MTA1: variants seen among roughly 807,000 people sequenced by gnomAD.
MTA1 encodes the protein metastasis-associated protein MTA1.
A neutral mutation model predicts 97.0 loss-of-function variants in MTA1; 15 were observed. The observed-to-expected ratio is 0.15, with a 90% CI of 0.10 to 0.24. MTA1 has a LOEUF of 0.24. MTA1 is among the 10% of genes least tolerant of loss of function. MTA1 has a pLI of 1.00. For missense variants in MTA1, 709 were observed against 1,015.1 expected (o/e 0.70, Z 4.10); for synonymous variants, 435 against 417.5 (o/e 1.04, Z -0.51).
Position 105,422,620 on chromosome 14 carries a change from A to G in MTA1, c.28+2557A>G, listed in dbSNP as rs587760609. Among the ~76,000 whole-genome samples the G allele has an allele frequency of 3.3e-5, 5 of 152,208 alleles. No homozygotes were observed. The highest frequency in any genetic ancestry group is 2.6e-4 in the Admixed American group (4 of 15,282). On this transcript the variant is annotated intron_variant, in intron 1 of 20. Transcript: ENST00000331320. This position sits in a 1 kb window ranked among gnomAD's most constrained non-coding sequence, Gnocchi z 4.3. ...TAAACAGAAATTTATTAGTGTAAGT[A>G]TGTCCCAAATATGGCATGGGACATA...
At chr14:105,441,419 G>C (rs2082509103) in intron 2 of MTA1, among the ~76,000 whole-genome samples, 1 of 152,168 alleles carries the variant, frequency 6.6e-6, no homozygotes. Flanking sequence ...CACCGGGGAG[G>C]CTCCCAGGGA....
At chr14:105,466,859 G>T in intron 18 of MTA1, 117 bp downstream of exon 18, 2 of 1,053,912 alleles carry the variant, frequency 1.9e-6, no homozygotes, top group Non-Finnish European at 1.4e-6. Context: ...CAGTCCACGT[G>T]AGCCAGGCCA....
rs1046664382 is a variant in MTA1 at position 105,424,742 on chromosome 14, C to G, written c.28+4679C>G. On this transcript the variant is annotated intron_variant, in intron 1 of 20. Coordinates refer to ENST00000331320, the MANE Select transcript of MTA1 (RefSeq NM_004689.4). The surrounding 1 kb of genome is among the most constrained non-coding windows in gnomAD (Gnocchi z 4.0). ...AACTCCTGACCTCAAGTGATCCACC[C>G]GCCTCGGCCTCCCAAAGTGCTGGGA... Among the ~76,000 whole-genome samples the G allele has an allele frequency of 6.6e-6, 1 of 152,012 alleles. No homozygotes were observed.
At position 105,466,427 on chromosome 14, in the gene MTA1, G is replaced by GGGGCCCC; in HGVS notation, c.1626_1627insGGGCCCC (p.Thr543GlyfsTer11). ...TTCTGCCTGTGTCATTCCCGGCAGA[G>GGGGCCCC]ACCCACCCCCGCCCCCCCAAGCCTG... On this transcript the variant is annotated frameshift_variant and splice_region_variant, in exon 17 of 21. Coordinates refer to ENST00000331320, the MANE Select transcript of MTA1 (RefSeq NM_004689.4). LOFTEE classifies it high-confidence loss of function. The GGGGCCCC allele has an allele frequency of 6.3e-7, 1 of 1,592,106 alleles. No individual in the cohort carries two copies. Among genetic ancestry groups the GGGGCCCC allele is most frequent in the Non-Finnish European group, 8.6e-7 (1 of 1,165,320 alleles).
chr14:105,466,785 C>T lies in MTA1; in HGVS notation c.1813+43C>T, dbSNP rs371833230. On this transcript the variant is annotated intron_variant, in intron 18 of 20. Coordinates refer to ENST00000331320, the MANE Select transcript of MTA1 (RefSeq NM_004689.4). The stretch of plus-strand genomic sequence containing the variant: ...GGGCGGGCGCTGCGCCGGCCCCGCC[C>T]GTGATGCCTGTGCTGTGCTGCTCTG... 1.0e-3 allele frequency: 1,608 copies of T among 1,548,032 alleles called. 1 individual carries two copies. Among genetic ancestry groups the T allele is most frequent in the Non-Finnish European group, 1.3e-3 (1,486 of 1,146,418 alleles).
At chr14:105,447,610 T>C (rs1555427500) in intron 3 of MTA1, among the ~76,000 whole-genome samples, 1 of 152,096 alleles carries the variant, frequency 6.6e-6, no homozygotes, top group Non-Finnish European at 1.5e-5. Context: ...GCTCGAGCAC[T>C]GGCCCCCCCA....
At position 105,450,299 on chromosome 14, in the gene MTA1, C is replaced by T. The variant is rs142637068; in HGVS notation, c.407C>T (p.Ser136Leu). 6.2e-5 allele frequency: 100 copies of T among 1,606,446 alleles called. No individual in the cohort carries two copies. The highest frequency in any genetic ancestry group is 7.5e-5 in the Non-Finnish European group (88 of 1,174,678). Residue 136 changes from serine (S) to leucine (L), a missense_variant, in exon 6 of 21, where the codon TCG becomes TTG. Coordinates refer to ENST00000331320, the MANE Select transcript of MTA1 (RefSeq NM_004689.4). Reference sequence around the variant, plus strand: ...GTCACCCTGCTCAACGAGACCGAGTCGCTCAAGTCCTACCTGGAGCGGGAG... The same window carrying T: ...GTCACCCTGCTCAACGAGACCGAGTTGCTCAAGTCCTACCTGGAGCGGGAG... ...CSVTLLNETE[S>L]LKSYLEREDF...
chr14:105,445,822 CTATGAT>C, intron 3 of MTA1: 1 of 448,452 alleles, frequency 2.2e-6, no homozygotes, highest in South Asian at 2.0e-5. Flanking sequence ...TTTTTCCCTT[CTATGAT>C]GACTTCTGGA....
chr14:105,436,382 G>A (rs191202286), intron 1 of MTA1, among the ~76,000 whole-genome samples: 18 of 152,152 alleles, frequency 1.2e-4, no homozygotes, highest in African/African-American at 2.9e-4. Context: ...TTATTTGTCC[G>A]TTTATTAAGG....
chr14:105,438,614 T>C, intron 1 of MTA1, 58 bp from the exon 2 acceptor site: 2 of 1,523,428 alleles, frequency 1.3e-6, no homozygotes, highest in South Asian at 2.2e-5. Context: ...CCACGGGAGG[T>C]GGGACTGGGT....
At chr14:105,447,356 C>T (rs1269367159) in intron 3 of MTA1, among the ~76,000 whole-genome samples, 1 of 152,164 alleles carries the variant, frequency 6.6e-6, no homozygotes, top group African/African-American at 2.4e-5. Context: ...CTGTCTCTGT[C>T]CTCTGGCACC....
intron 1 of MTA1, among the ~76,000 whole-genome samples, chr14:105,430,837 T>G (rs2082156118): frequency 6.6e-6 from 1 of 152,162 alleles, no homozygotes; most frequent in Admixed American, 6.5e-5. Flanking sequence ...ACATGAAGAT[T>G]ATATGAAATT....
chr14:105,445,737 GGTCT>G, intron 3 of MTA1: 5 of 662,118 alleles, frequency 7.6e-6, no homozygotes, highest in Non-Finnish European at 1.1e-5. Flanking sequence ...CCCCCGGAGT[GGTCT>G]GTCTCTCACT....
chr14:105,437,073 G>A (rs904281227), intron 1 of MTA1, among the ~76,000 whole-genome samples: 5 of 152,358 alleles, frequency 3.3e-5, no homozygotes, highest in Admixed American at 1.3e-4. Flanking sequence ...CTCCTAGCCC[G>A]TTGTCCTGTG....
chr14:105,453,451 A>T (rs587696071), intron 6 of MTA1, among the ~76,000 whole-genome samples: 17 of 152,270 alleles, frequency 1.1e-4, no homozygotes, highest in African/African-American at 4.8e-5. Context: ...CGGAGGCCAC[A>T]GTGAGCTGTG....
At chr14:105,441,516 T>G (rs6576095) in intron 2 of MTA1, among the ~76,000 whole-genome samples, 1 of 152,118 alleles carries the variant, frequency 6.6e-6, no homozygotes, top group African/African-American at 2.4e-5. Context: ...ACTCAGAGGC[T>G]GGACGCAGGG....
intron 1 of MTA1, among the ~76,000 whole-genome samples, chr14:105,423,791 A>G (rs2081925666): frequency 6.6e-6 from 1 of 152,138 alleles, no homozygotes; most frequent in African/African-American, 2.4e-5. Flanking sequence ...TGAAGTTTAA[A>G]CTTTATTGCT....
chr14:105,421,819 C>A (rs1555420965), intron 1 of MTA1, among the ~76,000 whole-genome samples: 1 of 152,220 alleles, frequency 6.6e-6, no homozygotes, highest in African/African-American at 2.4e-5. Flanking sequence ...TTGGGAGGAG[C>A]CCTTCGTGGG....
chr14:105,451,352 A>T (rs2082921424), intron 6 of MTA1, among the ~76,000 whole-genome samples: 1 of 152,236 alleles, frequency 6.6e-6, no homozygotes, highest in Admixed American at 6.5e-5. Context: ...GCTCAGAGTC[A>T]TGAGCAGGCA....
Sources: gnomAD v4.1 joint callset for allele counts (sites outside exome capture counted in the v4.1 genomes callset) on GRCh38, gnomAD v4.1.1 for gene constraint, Gnocchi (gnomAD v3.1) non-coding constraint, MANE v1.5 for transcripts, NCBI Gene and HGNC (gene_info 2026-07-23, HGNC 2026-07-21) for gene names.